The following ROBO2 variants were observed in gnomAD, a reference collection of about 807,000 sequenced individuals.
ROBO2 encodes the protein roundabout guidance receptor 2.
A neutral mutation model predicts 160.8 loss-of-function variants in ROBO2; 53 were observed. The observed-to-expected ratio is 0.33, with a 90% CI of 0.26 to 0.41. ROBO2 has a LOEUF of 0.41. Ranked by LOEUF, ROBO2 falls within the 10% of genes least tolerant of loss-of-function variation. The probability of loss-of-function intolerance (pLI) is 1.00; values close to 1 mark genes in which losing one functional copy is unlikely to be tolerated. For synonymous variants in ROBO2, 664 were observed against 611.7 expected (o/e 1.09, Z -1.26); for missense variants, 1,577 against 1,722.4 (o/e 0.92, Z 1.49).
chr3:76,677,958 CTTTTTTTTTTTTTTTT>C (rs1169307424), intron 2 of ROBO2, among the ~76,000 whole-genome samples: 349 of 29,408 alleles, frequency 0.012, 15 homozygotes, highest in African/African-American at 0.042. Flanking sequence ...AGAAAATATG[CTTTTTTTTTTTTTTTT>C]TTTTTTTTTT....
intron 2 of ROBO2, among the ~76,000 whole-genome samples, chr3:76,668,537 A>G (rs183796438): frequency 6.6e-6 from 1 of 152,310 alleles, no homozygotes; most frequent in African/African-American, 2.4e-5. Context: ...TAAAAAACCC[A>G]GAGATGGGCC....
intron 2 of ROBO2, among the ~76,000 whole-genome samples, chr3:76,094,134 T>TCACACACA (rs59815528): frequency 2.0e-5 from 3 of 148,608 alleles, no homozygotes; most frequent in African/African-American, 7.4e-5. Context: ...ACACTCGCAC[T>TCACACACA]CACACACACA....
chr3:77,096,352 A>T (rs896675344), intron 1 of ROBO2, among the ~76,000 whole-genome samples: 1 of 152,202 alleles, frequency 6.6e-6, no homozygotes, highest in African/African-American at 2.4e-5. Flanking sequence ...GGTAATTGAT[A>T]CCATATAAAT....
chr3:77,623,309 G>A (rs1024863663), intron 23 of ROBO2, among the ~76,000 whole-genome samples: 1 of 152,104 alleles, frequency 6.6e-6, no homozygotes, highest in Non-Finnish European at 1.5e-5. Context: ...CTTCTCAGAA[G>A]ACCACTCATA....
intron 2 of ROBO2, among the ~76,000 whole-genome samples, chr3:76,520,361 G>T (rs1243713656): frequency 6.6e-6 from 1 of 152,160 alleles, no homozygotes; most frequent in African/African-American, 2.4e-5. Context: ...TGAGGCAGGA[G>T]AATTGCTTGA....
chr3:76,979,510 G>T (rs9835516), intron 2 of ROBO2, among the ~76,000 whole-genome samples: 83,215 of 151,674 alleles, frequency 0.55, 23,708 homozygotes, highest in African/African-American at 0.7. Context: ...AATAATGGCC[G>T]CCAGTTCCAT....
chr3:77,225,365 G>A (rs115054074), intron 2 of ROBO2, among the ~76,000 whole-genome samples: 5,588 of 151,730 alleles, frequency 0.037, 228 homozygotes, highest in African/African-American at 0.095. Flanking sequence ...TTCTAATTCC[G>A]TCAACTTTGC....
chr3:76,903,974 A>G (rs940403810), intron 2 of ROBO2, among the ~76,000 whole-genome samples: 1 of 152,094 alleles, frequency 6.6e-6, no homozygotes, highest in Admixed American at 6.5e-5. Flanking sequence ...TATTCATTTT[A>G]TCATGTTGCC....
intron 2 of ROBO2, among the ~76,000 whole-genome samples, chr3:76,436,193 C>A (rs1309978138): frequency 2.0e-5 from 3 of 150,988 alleles, no homozygotes; most frequent in Admixed American, 6.6e-5. Context: ...ATTTCTTTTT[C>A]TTTTTTTTTA....
intron 2 of ROBO2, among the ~76,000 whole-genome samples, chr3:76,271,312 A>G (rs946845196): frequency 1.3e-5 from 2 of 151,976 alleles, no homozygotes; most frequent in Non-Finnish European, 2.9e-5. Context: ...AGTTTACAAC[A>G]TGTTTAATTT....
chr3:77,066,406 A>G (rs1364231102), intron 1 of ROBO2, among the ~76,000 whole-genome samples: 4 of 152,204 alleles, frequency 2.6e-5, no homozygotes, highest in Non-Finnish European at 5.9e-5. Flanking sequence ...GCAGTTGGAA[A>G]AAAATTGGCT....
intron 2 of ROBO2, among the ~76,000 whole-genome samples, chr3:76,532,067 C>A (rs1354945628): frequency 2.0e-5 from 3 of 152,136 alleles, no homozygotes; most frequent in Non-Finnish European, 2.9e-5. Flanking sequence ...TTACGCCCTG[C>A]CTCTCCTGGC....
chr3:77,556,196 A>G (rs1397766859), intron 8 of ROBO2, among the ~76,000 whole-genome samples: 1 of 151,910 alleles, frequency 6.6e-6, no homozygotes, highest in Non-Finnish European at 1.5e-5. Flanking sequence ...TTTTTGACCC[A>G]TAAAAATAAG....
At chr3:76,124,612 A>C (rs1388047477) in intron 2 of ROBO2, among the ~76,000 whole-genome samples, 2 of 152,234 alleles carry the variant, frequency 1.3e-5, no homozygotes, top group South Asian at 2.1e-4. Flanking sequence ...TTTAATAAGT[A>C]GTATTAATGT....
intron 2 of ROBO2, among the ~76,000 whole-genome samples, chr3:76,800,945 A>G (rs558844397): frequency 1.3e-5 from 2 of 152,332 alleles, no homozygotes; most frequent in East Asian, 3.9e-4. Context: ...AGATATCTGA[A>G]CTCCCATATT....
chr3:77,304,245 C>A (rs151040879), intron 2 of ROBO2, among the ~76,000 whole-genome samples: 29 of 152,190 alleles, frequency 1.9e-4, no homozygotes, highest in African/African-American at 6.5e-4. Context: ...CACAAAGAAC[C>A]CCTTTTGTAT....
At chr3:77,157,528 C>G (rs1011418368) in intron 2 of ROBO2, among the ~76,000 whole-genome samples, 3 of 152,030 alleles carry the variant, frequency 2.0e-5, no homozygotes, top group Non-Finnish European at 4.4e-5. Flanking sequence ...CAGTTCTTTA[C>G]ACATCTTCCT....
intron 2 of ROBO2, among the ~76,000 whole-genome samples, chr3:76,640,632 C>G (rs952978529): frequency 6.9e-6 from 1 of 145,136 alleles, no homozygotes; most frequent in Admixed American, 6.8e-5. Flanking sequence ...TGTGTGTGGC[C>G]GGGGGATGTG....
chr3:77,613,474 T>C (rs1260412049), intron 21 of ROBO2, among the ~76,000 whole-genome samples: 3 of 152,158 alleles, frequency 2.0e-5, no homozygotes, highest in African/African-American at 7.2e-5. Context: ...AGTTACAAAG[T>C]AAATTTAATT....
Sources: allele counts gnomAD v4.1 joint callset (sites outside exome capture counted in the v4.1 genomes callset), GRCh38; gene constraint gnomAD v4.1.1; transcripts MANE v1.5; gene names NCBI Gene and HGNC (gene_info 2026-07-23, HGNC 2026-07-21).